The following SCAPER variants were observed in gnomAD, a reference collection of about 807,000 sequenced individuals.
The protein encoded by SCAPER is S-phase cyclin A associated protein in the ER.
In SCAPER, 98 loss-of-function variants were observed where a neutral mutation model predicts 182.2. The ratio of observed to expected loss-of-function variants is 0.54; its 90% CI spans 0.46 to 0.64. The LOEUF is 0.64. Among genes scored for constraint, SCAPER ranks in the 30% least tolerant of loss-of-function variants. SCAPER has a pLI of 0.00. For missense variants in SCAPER, 1,432 were observed against 1,690.0 expected (o/e 0.85, Z 2.68); for synonymous variants, 605 against 564.6 (o/e 1.07, Z -1.01).
intron 15 of SCAPER, among the ~76,000 whole-genome samples, chr15:76,749,676 A>G (rs1004518142): frequency 1.1e-4 from 16 of 152,066 alleles, no homozygotes; most frequent in African/African-American, 3.9e-4. Flanking sequence ...ATATACCATC[A>G]AACATATGAA....
At chr15:76,446,260 A>C (rs984631029) in intron 25 of SCAPER, among the ~76,000 whole-genome samples, 1 of 152,242 alleles carries the variant, frequency 6.6e-6, no homozygotes, top group African/African-American at 2.4e-5. Context: ...ACAATACTGA[A>C]AATTAATCAA....
intron 21 of SCAPER, among the ~76,000 whole-genome samples, chr15:76,627,729 T>C (rs112957486): frequency 2.0e-5 from 3 of 152,348 alleles, no homozygotes; most frequent in East Asian, 1.9e-4. Flanking sequence ...GTCTTTTTTA[T>C]TGTGAATAGT....
chr15:76,815,943 T>G (rs1276928174), intron 5 of SCAPER, among the ~76,000 whole-genome samples: 1 of 152,210 alleles, frequency 6.6e-6, no homozygotes, highest in Non-Finnish European at 1.5e-5. Context: ...CAATGTTAAG[T>G]ATCTGTGCAT....
intron 4 of SCAPER, among the ~76,000 whole-genome samples, chr15:76,851,278 CATG>C (rs1204400790): frequency 6.6e-6 from 1 of 152,020 alleles, no homozygotes; most frequent in Non-Finnish European, 1.5e-5. Flanking sequence ...GGATAGTATC[CATG>C]ATAACTTTCC....
At chr15:76,582,305 T>A (rs1185920536) in intron 22 of SCAPER, among the ~76,000 whole-genome samples, 1 of 152,146 alleles carries the variant, frequency 6.6e-6, no homozygotes, top group Non-Finnish European at 1.5e-5. Context: ...CATTTCTACA[T>A]CCTGACAGCA....
chr15:76,570,283 G>T (rs1418233677), intron 23 of SCAPER, among the ~76,000 whole-genome samples: 1 of 151,434 alleles, frequency 6.6e-6, no homozygotes, highest in Non-Finnish European at 1.5e-5. Context: ...AGTTTTTTTT[G>T]TCATAGTCCC....
intron 23 of SCAPER, among the ~76,000 whole-genome samples, chr15:76,536,226 C>T (rs1022591582): frequency 4.6e-5 from 7 of 151,852 alleles, no homozygotes; most frequent in South Asian, 2.1e-4. Flanking sequence ...TGGCCAAGTG[C>T]GGTGGTGTGT....
intron 27 of SCAPER, among the ~76,000 whole-genome samples, chr15:76,383,087 T>C (rs1194225352): frequency 2.9e-4 from 1 of 3,466 alleles, no homozygotes; most frequent in Non-Finnish European, 3.9e-3. Flanking sequence ...TGTGTATAGG[T>C]GTGTGTGTGT....
chr15:76,802,867 T>A (rs1482574664), intron 6 of SCAPER, among the ~76,000 whole-genome samples: 1 of 152,178 alleles, frequency 6.6e-6, no homozygotes, highest in Non-Finnish European at 1.5e-5. Flanking sequence ...AGTTTAGGAA[T>A]TACTTAGATG....
intron 23 of SCAPER, among the ~76,000 whole-genome samples, chr15:76,557,139 C>G (rs558494087): frequency 1.2e-4 from 19 of 152,282 alleles, no homozygotes; most frequent in African/African-American, 4.3e-4. Context: ...ACATTCCATG[C>G]TCATCCACAG....
At chr15:76,662,296 C>G (rs576938800) in intron 21 of SCAPER, among the ~76,000 whole-genome samples, 5 of 152,116 alleles carry the variant, frequency 3.3e-5, no homozygotes, top group Admixed American at 6.6e-5. Flanking sequence ...ACCTATGTAA[C>G]AAACCTGCAC....
intron 22 of SCAPER, among the ~76,000 whole-genome samples, chr15:76,580,368 T>C (rs1253375839): frequency 6.6e-6 from 1 of 152,132 alleles, no homozygotes; most frequent in East Asian, 1.9e-4. Context: ...TAAGAGGAAT[T>C]TTGGAAACTA....
At chr15:76,471,060 A>C in intron 25 of SCAPER, 152 bp downstream of exon 25, 10 of 689,340 alleles carry the variant, frequency 1.5e-5, no homozygotes, top group Non-Finnish European at 1.9e-5. Context: ...GCCAGTCTCT[A>C]TTCTCACAGT....
At chr15:76,874,046 C>A (rs1328355546) in intron 2 of SCAPER, among the ~76,000 whole-genome samples, 2 of 152,100 alleles carry the variant, frequency 1.3e-5, no homozygotes, top group Non-Finnish European at 2.9e-5. Flanking sequence ...GCGCCCAGCA[C>A]CACGCCTGGC....
intron 21 of SCAPER, among the ~76,000 whole-genome samples, chr15:76,643,387 A>G (rs1475423827): frequency 6.6e-6 from 1 of 152,164 alleles, no homozygotes; most frequent in Non-Finnish European, 1.5e-5. Flanking sequence ...GGTCTTTAGA[A>G]AGTCATCATT....
At chr15:76,574,075 G>C in intron 23 of SCAPER, 83 bp downstream of exon 23, 1 of 1,377,522 alleles carries the variant, frequency 7.3e-7, no homozygotes, top group Non-Finnish European at 9.6e-7. Context: ...TATATACTGA[G>C]TCTGCCTTAT....
chr15:76,440,990 T>C (rs1034944272), intron 25 of SCAPER, among the ~76,000 whole-genome samples: 1 of 144,834 alleles, frequency 6.9e-6, no homozygotes, highest in African/African-American at 2.6e-5. Flanking sequence ...GGCACGATCT[T>C]GGCTCACTGC....
At chr15:76,698,668 G>A (rs930218967) in intron 20 of SCAPER, among the ~76,000 whole-genome samples, 5 of 152,176 alleles carry the variant, frequency 3.3e-5, no homozygotes, top group Non-Finnish European at 7.3e-5. Flanking sequence ...GAAGTTTAGA[G>A]CCATCAAAGT....
At chr15:76,480,729 C>G (rs942582866) in intron 24 of SCAPER, among the ~76,000 whole-genome samples, 2 of 152,108 alleles carry the variant, frequency 1.3e-5, no homozygotes, top group South Asian at 4.1e-4. Context: ...ACATTCTCCA[C>G]TATTCTACTT....
Sources: gnomAD v4.1 joint callset for allele counts (sites outside exome capture counted in the v4.1 genomes callset) on GRCh38, gnomAD v4.1.1 for gene constraint, MANE v1.5 for transcripts, NCBI Gene and HGNC (gene_info 2026-07-23, HGNC 2026-07-21) for gene names.